CCAR2: variants seen among roughly 807,000 people sequenced by gnomAD.
The protein encoded by CCAR2 is cell cycle and apoptosis regulator 2, also known as cell cycle and apoptosis regulator protein 2.
CCAR2 carries 21 observed loss-of-function variants against 108.1 expected under a neutral mutation model. The observed-to-expected ratio is 0.19, with a 90% CI of 0.14 to 0.28. The LOEUF is 0.28. Ranked by LOEUF, CCAR2 falls within the 10% of genes least tolerant of loss-of-function variation. The pLI is 1.00. For synonymous variants in CCAR2, 577 were observed against 472.8 expected, an observed-to-expected ratio of 1.22 and a Z score of -2.86; for missense variants, 1,126 against 1,177.0, an observed-to-expected ratio of 0.96 and a Z score of 0.63.
chr8:22,606,384 A>C (rs979259451), intron 3 of CCAR2, among the ~76,000 whole-genome samples: 1 of 152,186 alleles, frequency 6.6e-6, no homozygotes, highest in Non-Finnish European at 1.5e-5. Flanking sequence ...CTTGGAATTA[A>C]TGAACTGGAA....
chr8:22,610,819 A>G, intron 7 of CCAR2, among the ~76,000 whole-genome samples: 1 of 152,266 alleles, frequency 6.6e-6, no homozygotes, highest in East Asian at 1.9e-4. Context: ...ACCCAGGCAC[A>G]GAGAAATGGC....
chr8:22,607,599 C>T (rs1486873749), intron 6 of CCAR2, among the ~76,000 whole-genome samples: 1 of 151,614 alleles, frequency 6.6e-6, no homozygotes, highest in African/African-American at 2.4e-5. Flanking sequence ...TCCCCCGTAG[C>T]TGGGATTACA....
rs1033733829 is a variant in CCAR2, at chr8:22,615,356, T to A, written c.1206-69T>A. ...AGTGCTGACTGGAAACTGAAGCCCT[T>A]GCCTGTGAACGTGGTGTCTGCGTGG... On this transcript the variant is annotated intron_variant, in intron 11 of 20. Coordinates refer to ENST00000308511, the MANE Select transcript of CCAR2 (RefSeq NM_001393997.1). The A allele has an allele frequency of 5.8e-6, 9 of 1,546,718 alleles. No homozygotes were observed. The African/African-American group carries it at 1.2e-4, about 21-fold the overall frequency.
At position 22,618,697 on chromosome 8, in the gene CCAR2, G is replaced by GGAT. The variant is rs1352263546; in HGVS notation, c.2303_2305dup (p.Asp768dup). ...TTCAGTACAGCCGCCAGGAGGGCCT[G>GGAT]GATGGTGGCCTTCCCGAGGAGGTGC... On this transcript the variant is annotated inframe_insertion, in exon 18 of 21. Coordinates refer to ENST00000308511, the MANE Select transcript of CCAR2 (RefSeq NM_001393997.1). 6.2e-7 allele frequency: 1 copy of GGAT among 1,614,100 alleles called. No individual in the cohort carries two copies. The highest frequency in any genetic ancestry group is 1.1e-5 in the South Asian group (1 of 91,088).
At chr8:22,608,952 G>C (rs867353643) in intron 7 of CCAR2, among the ~76,000 whole-genome samples, 15 of 151,974 alleles carry the variant, frequency 9.9e-5, no homozygotes, top group African/African-American at 3.4e-4. Context: ...TTTTGTTAAG[G>C]TAAAAAATTT....
intron 10 of CCAR2, 161 bp from the exon 11 acceptor site, chr8:22,614,677 A>G (rs1029223550): frequency 1.9e-6 from 2 of 1,064,124 alleles, no homozygotes; most frequent in African/African-American, 1.6e-5. Context: ...CTAGTCAGAG[A>G]GAGCGAGGTG....
At chr8:22,616,294 G>A (rs200287109) in intron 14 of CCAR2, 46 bp downstream of exon 14, 71 of 1,559,860 alleles carry the variant, frequency 4.6e-5, no homozygotes, top group African/African-American at 5.4e-5. Context: ...TACCGTGACC[G>A]CGCACCTTTA....
chr8:22,613,643 A>G (rs1801383747), intron 8 of CCAR2, among the ~76,000 whole-genome samples: 1 of 152,156 alleles, frequency 6.6e-6, no homozygotes, highest in African/African-American at 2.4e-5. Flanking sequence ...CGTTGCCAAC[A>G]CTGTTAGCCG....
intron 7 of CCAR2, among the ~76,000 whole-genome samples, chr8:22,610,082 C>G (rs770495902): frequency 1.3e-5 from 2 of 152,236 alleles, no homozygotes; most frequent in East Asian, 1.9e-4. Flanking sequence ...ACCCAGGATG[C>G]TTCTGGTCCC....
chr8:22,611,450 A>ATG (rs1002831791), intron 7 of CCAR2, among the ~76,000 whole-genome samples: 6 of 123,070 alleles, frequency 4.9e-5, no homozygotes, highest in East Asian at 2.0e-4. Flanking sequence ...GTGTATACAT[A>ATG]TGTGTGTGTG....
At chr8:22,606,210 C>T in intron 3 of CCAR2, 34 bp downstream of exon 3, 4 of 1,521,196 alleles carry the variant, frequency 2.6e-6, no homozygotes, top group South Asian at 1.1e-5. Flanking sequence ...AAGTTTCAGC[C>T]CTTGGGACTG....
chr8:22,613,188 T>TA (rs1316839081), intron 8 of CCAR2, 52 bp downstream of exon 8: 1 of 1,493,678 alleles, frequency 6.7e-7, no homozygotes, highest in Non-Finnish European at 8.9e-7. Flanking sequence ...AATAGTTTCT[T>TA]ATGTAAATGA....
At chr8:22,606,341 A>G (rs986742929) in intron 3 of CCAR2, among the ~76,000 whole-genome samples, 165 bp downstream of exon 3, 1 of 152,106 alleles carries the variant, frequency 6.6e-6, no homozygotes, top group Non-Finnish European at 1.5e-5. Context: ...GGGCATCTTC[A>G]TTTCTCGCTC....
At position 22,606,072 on chromosome 8, in the gene CCAR2, T is replaced by C. The variant is rs201114691; in HGVS notation, c.59-13T>C. 2.1e-4 allele frequency: 338 copies of C among 1,610,616 alleles called. No individual in the cohort carries two copies. Among genetic ancestry groups the C allele is most frequent in the Non-Finnish European group, 2.7e-4 (322 of 1,176,808 alleles). ...AGGGGCGGTTCCTGGAGATTGCTTC[T>C]CTTTCCCCATAGGCACAGCTTCAAC... is the stretch of plus-strand genomic sequence containing the variant. On this transcript the variant is annotated splice_polypyrimidine_tract_variant and intron_variant, in intron 2 of 20. Coordinates refer to ENST00000308511, the MANE Select transcript of CCAR2 (RefSeq NM_001393997.1).
At chr8:22,619,466 G>A (rs952426520) in intron 20 of CCAR2, 111 bp downstream of exon 20, 1 of 1,434,986 alleles carries the variant, frequency 7.0e-7, no homozygotes, top group African/African-American at 1.4e-5. Flanking sequence ...GCAGGCACCG[G>A]CTTCGTCTTT....
intron 8 of CCAR2, among the ~76,000 whole-genome samples, chr8:22,613,446 C>G (rs1289727234): frequency 6.7e-6 from 1 of 150,064 alleles, no homozygotes; most frequent in Non-Finnish European, 1.5e-5. Flanking sequence ...TGCACTCTAT[C>G]CTAAATTTTC....
rs1259667569 is a variant in CCAR2, at chr8:22,616,879, TTTTTTTTTTTTTTTTTTG to T, written c.1846-540_1846-523del. Among the ~76,000 whole-genome samples the T allele has an allele frequency of 1.0e-4, 6 of 60,112 alleles. No individual in the cohort carries two copies. In the South Asian group the frequency reaches 3.3e-3, roughly 33 times the overall value. The allele number at this position is 60,112 out of a possible 152,430, so 39.4% of individuals were successfully genotyped here. On this transcript the variant is annotated intron_variant, in intron 14 of 20. Transcript: ENST00000308511. ...AATACTAGTCTGCTTTTTTTTTTTT[TTTTTTTTTTTTTTTTTTG>T]GGGAGATGGAGTCTTGCTCTGTCAC... is the stretch of plus-strand genomic sequence containing the variant.
intron 1 of CCAR2, chr8:22,605,333 GCT>G (rs1237633820): frequency 6.0e-6 from 1 of 165,912 alleles, no homozygotes; most frequent in Non-Finnish European, 1.3e-5. Context: ...TGTCATCGGG[GCT>G]CTCTCGAGCC....
At chr8:22,605,703 T>C (rs201441237) in intron 1 of CCAR2, 33 bp from the exon 2 acceptor site, 4 of 1,328,664 alleles carry the variant, frequency 3.0e-6, no homozygotes, top group Non-Finnish European at 4.3e-6. Context: ...ATTTCCCTTA[T>C]AAGCTGTTAA....
Sources: allele counts gnomAD v4.1 joint callset (sites outside exome capture counted in the v4.1 genomes callset), GRCh38; gene constraint gnomAD v4.1.1; transcripts MANE v1.5; gene names NCBI Gene and HGNC (gene_info 2026-07-23, HGNC 2026-07-21).